The following TBC1D2 variants were observed in gnomAD, a reference collection of about 807,000 sequenced individuals.
TBC1D2 encodes the protein TBC1 domain family member 2A.
TBC1D2 carries 58 observed loss-of-function variants against 91.1 expected under a neutral mutation model. The observed-to-expected ratio is 0.64, with a 90% CI of 0.52 to 0.79. The LOEUF (loss-of-function observed/expected upper bound fraction) is 0.79. TBC1D2 is among the 30% of genes least tolerant of loss of function. TBC1D2 has a pLI of 0.00. For missense variants in TBC1D2, 1,080 were observed against 1,208.3 expected, an observed-to-expected ratio of 0.89 and a Z score of 1.57; for synonymous variants, 482 against 511.5, an observed-to-expected ratio of 0.94 and a Z score of 0.78.
chr9:98,209,166 A>G, intron 8 of TBC1D2, 22 bp from the exon 9 acceptor site: 1 of 1,598,698 alleles, frequency 6.3e-7, no homozygotes, highest in Non-Finnish European at 8.6e-7. Context: ...AGTGCACGTT[A>G]GCAACACCTT....
chr9:98,201,683 G>A lies in TBC1D2; in HGVS notation c.2272-19C>T, dbSNP rs763310349. 36 of 1,601,576 alleles carry A rather than the reference G, an allele frequency of 2.2e-5. No homozygotes were observed. Among genetic ancestry groups the A allele is most frequent in the Non-Finnish European group, 2.7e-5 (32 of 1,173,718 alleles). ...GGTCCACCTGGAAGCCAGCGAGAGG[G>A]CCTGTCATCTGCAGCCCCAGCGTAG... is the stretch of plus-strand genomic sequence containing the variant. On this transcript the variant is annotated intron_variant, in intron 10 of 12. Transcript: ENST00000465784.
chr9:98,249,426 A>T (rs1829828580), intron 2 of TBC1D2, among the ~76,000 whole-genome samples: 2 of 152,196 alleles, frequency 1.3e-5, no homozygotes, highest in South Asian at 4.1e-4. Context: ...AGGTCTGAGG[A>T]TCCCAGAGCC....
chr9:98,220,433 A>G (rs1029746299), intron 6 of TBC1D2, among the ~76,000 whole-genome samples: 13 of 152,086 alleles, frequency 8.5e-5, no homozygotes, highest in Non-Finnish European at 1.6e-4. Flanking sequence ...CAGGCGCAGG[A>G]CTGTGGGGGG....
In TBC1D2 at chr9:98,251,891, C is replaced by G; in HGVS notation, c.405G>C (p.Gln135His). ...ATKQAMLYWL[Q>H]QLQMKRWEFH... Reference sequence around the variant, plus strand: ...ATTCCCAGCGCTTCATCTGCAGCTGCTGCAGCCAGTACAGCATCGCTTGCT... The same window carrying G: ...ATTCCCAGCGCTTCATCTGCAGCTGGTGCAGCCAGTACAGCATCGCTTGCT... The change falls in exon 2 of 13, where the codon CAG becomes CAC. Residue 135 changes from glutamine to histidine, a missense_variant. Gln to His is a conservative substitution (Grantham distance 24, BLOSUM62 0). Transcript: ENST00000465784. 1 of 1,602,952 alleles carries G rather than the reference C, an allele frequency of 6.2e-7. No individual in the cohort carries two copies. The highest frequency in any genetic ancestry group is 8.5e-7 in the Non-Finnish European group (1 of 1,175,508).
At chr9:98,203,832 C>T (rs893923695) in intron 9 of TBC1D2, among the ~76,000 whole-genome samples, 1 of 152,168 alleles carries the variant, frequency 6.6e-6, no homozygotes, top group Non-Finnish European at 1.5e-5. Flanking sequence ...GCTATCCTCA[C>T]CTTAGTATTC....
intron 3 of TBC1D2, among the ~76,000 whole-genome samples, chr9:98,239,714 T>C (rs1829591233): frequency 6.6e-6 from 1 of 152,220 alleles, no homozygotes; most frequent in East Asian, 1.9e-4. Flanking sequence ...CCTCCTCTTT[T>C]ATATTTTGGA....
At chr9:98,230,007 A>T (rs1362989460) in intron 4 of TBC1D2, among the ~76,000 whole-genome samples, 1 of 152,220 alleles carries the variant, frequency 6.6e-6, no homozygotes, top group African/African-American at 2.4e-5. Context: ...TTATTCTTAA[A>T]TCAAACCAAA....
At chr9:98,213,775 C>A (rs569724877) in intron 6 of TBC1D2, among the ~76,000 whole-genome samples, 1 of 152,278 alleles carries the variant, frequency 6.6e-6, no homozygotes, top group South Asian at 2.1e-4. Flanking sequence ...GTGAATTTAC[C>A]AGAACTTACT....
chr9:98,216,276 T>G (rs1396665216), intron 6 of TBC1D2, among the ~76,000 whole-genome samples: 1 of 152,168 alleles, frequency 6.6e-6, no homozygotes, highest in East Asian at 1.9e-4. Flanking sequence ...CTCACTGAGT[T>G]TGCATGACAG....
At chr9:98,216,491 C>G (rs534201923) in intron 6 of TBC1D2, among the ~76,000 whole-genome samples, 2 of 152,322 alleles carry the variant, frequency 1.3e-5, no homozygotes, top group East Asian at 3.9e-4. Flanking sequence ...AGGAAACACA[C>G]ACAGAGAAAG....
At chr9:98,244,467 C>T (rs532544404) in intron 2 of TBC1D2, among the ~76,000 whole-genome samples, 1 of 152,134 alleles carries the variant, frequency 6.6e-6, no homozygotes, top group East Asian at 1.9e-4. Flanking sequence ...AGAAACCAGC[C>T]TGACCAACAT....
chr9:98,225,305 G>A (rs955374641), intron 5 of TBC1D2, among the ~76,000 whole-genome samples: 36 of 152,200 alleles, frequency 2.4e-4, no homozygotes, highest in Non-Finnish European at 5.9e-5. Context: ...CTATCTCCTA[G>A]AGCCCAAACC....
intron 3 of TBC1D2, among the ~76,000 whole-genome samples, chr9:98,240,553 A>G (rs1829613902): frequency 6.6e-6 from 1 of 152,200 alleles, no homozygotes; most frequent in South Asian, 2.1e-4. Flanking sequence ...CACAAACCAC[A>G]AGTCACATGA....
At position 98,209,067 on chromosome 9, in the gene TBC1D2, G is replaced by A. The variant is rs562294914; in HGVS notation, c.1751C>T (p.Ala584Val). 5.6e-6 allele frequency: 9 copies of A among 1,614,146 alleles called. No individual in the cohort carries two copies. The East Asian group carries it at 6.7e-5, about 12-fold the overall frequency. Residue 584 changes from alanine to valine, a missense_variant, in exon 9 of 13, where the codon GCA becomes GTA. Coordinates refer to ENST00000465784, the MANE Select transcript of TBC1D2 (RefSeq NM_001267571.2). ...EDLKLLAKIQ[A>V]LESRSHHLLG... ...CAGGTGGTGGGATCGTGACTCCAAT[G>A]CCTGGATCTTGGCCAGCAGCTTCAG...
intron 6 of TBC1D2, chr9:98,213,591 G>T: frequency 4.6e-6 from 1 of 216,572 alleles, no homozygotes; most frequent in Non-Finnish European, 9.0e-6. Context: ...ACTAAGTACA[G>T]GGACCAAAAC....
chr9:98,243,275 G>A (rs1829690182), intron 3 of TBC1D2, among the ~76,000 whole-genome samples: 1 of 151,590 alleles, frequency 6.6e-6, no homozygotes, highest in African/African-American at 2.4e-5. Flanking sequence ...CATTCAATAT[G>A]ATCTCATTTA....
rs58901019 is a variant in TBC1D2, at chr9:98,255,149, G to A, written c.369+24C>T. The stretch of plus-strand genomic sequence containing the variant: ...AAGGGGACCTCACGCCGCTGGAAAG[G>A]AGAAAGTCGTTGCAGGAATTTACCT... On this transcript the variant is annotated intron_variant, in intron 1 of 12. Transcript: ENST00000465784. 1.5e-3 allele frequency: 2,374 copies of A among 1,586,626 alleles called. 54 individuals carry two copies. In the East Asian group the frequency reaches 0.047, roughly 31 times the overall value.
At chr9:98,245,515 G>A (rs796711108) in intron 2 of TBC1D2, among the ~76,000 whole-genome samples, 2 of 151,774 alleles carry the variant, frequency 1.3e-5, no homozygotes, top group Non-Finnish European at 2.9e-5. Context: ...TGCAGTGAGC[G>A]GAGATGGTGC....
At chr9:98,205,710 G>T (rs1828632758) in intron 9 of TBC1D2, among the ~76,000 whole-genome samples, 1 of 152,028 alleles carries the variant, frequency 6.6e-6, no homozygotes, top group African/African-American at 2.4e-5. Flanking sequence ...TTGTTAGGTT[G>T]TTTCTTGTTT....
Sources: gnomAD v4.1 joint callset for allele counts (sites outside exome capture counted in the v4.1 genomes callset) on GRCh38, gnomAD v4.1.1 for gene constraint, MANE v1.5 for transcripts, NCBI Gene and HGNC (gene_info 2026-07-23, HGNC 2026-07-21) for gene names.